The following NEDD4 variants were observed in gnomAD, a reference collection of about 807,000 sequenced individuals.
The protein encoded by NEDD4 is NEDD4 E3 ubiquitin protein ligase.
In NEDD4, 99 loss-of-function variants were observed where a neutral mutation model predicts 144.9. The observed-to-expected ratio is 0.68, with a 90% CI of 0.58 to 0.81. NEDD4 has a LOEUF of 0.81. Ranked by LOEUF, NEDD4 falls within the 30% of genes least tolerant of loss-of-function variation. NEDD4 has a pLI of 0.00. For synonymous variants in NEDD4, 318 were observed against 350.6 expected (o/e 0.91, Z 1.04); for missense variants, 985 against 1,065.9 (o/e 0.92, Z 1.06).
chr15:55,939,590 T>C (rs1428295165), intron 4 of NEDD4, among the ~76,000 whole-genome samples: 1 of 151,956 alleles, frequency 6.6e-6, no homozygotes, highest in African/African-American at 2.4e-5. Flanking sequence ...GGCCCACTCT[T>C]TATGTAAAAA....
intron 5 of NEDD4, among the ~76,000 whole-genome samples, chr15:55,889,699 GTT>G (rs1334740380): frequency 6.6e-6 from 1 of 151,340 alleles, no homozygotes; most frequent in Non-Finnish European, 1.5e-5. Context: ...GTTTTGTTTT[GTT>G]TTGTTTTGTT....
intron 5 of NEDD4, chr15:55,916,265 A>G (rs113176671): frequency 6.2e-6 from 10 of 1,614,054 alleles, no homozygotes; most frequent in Admixed American, 1.7e-5. Flanking sequence ...TATAACTACT[A>G]CTGTCACTGA....
At chr15:55,968,610 T>C (rs2037556345) in intron 1 of NEDD4, among the ~76,000 whole-genome samples, 1 of 152,174 alleles carries the variant, frequency 6.6e-6, no homozygotes, top group South Asian at 2.1e-4. Flanking sequence ...AGATACCATA[T>C]AGAATGGCTA....
intron 4 of NEDD4, among the ~76,000 whole-genome samples, chr15:55,948,239 T>C (rs867157839): frequency 6.6e-6 from 1 of 152,182 alleles, no homozygotes; most frequent in African/African-American, 2.4e-5. Context: ...GAATCCAACT[T>C]ACAAGGGATG....
chr15:55,886,649 T>G (rs1171280055), intron 5 of NEDD4, among the ~76,000 whole-genome samples: 1 of 151,538 alleles, frequency 6.6e-6, no homozygotes, highest in African/African-American at 2.4e-5. Context: ...TCCCAGCTAC[T>G]CGGGAGGCTG....
chr15:55,869,003 C>G (rs1037294727), intron 8 of NEDD4, among the ~76,000 whole-genome samples: 3 of 152,176 alleles, frequency 2.0e-5, no homozygotes, highest in Non-Finnish European at 2.9e-5. Flanking sequence ...CAAATACATA[C>G]TTTCTGCCTC....
At chr15:55,840,345 GATAAT>G in intron 21 of NEDD4, 97 bp downstream of exon 21, 1 of 987,680 alleles carries the variant, frequency 1.0e-6, no homozygotes. Context: ...TTTGAAACAT[GATAAT>G]ATATTAATTT....
At position 55,937,727 on chromosome 15, in the gene NEDD4, T is replaced by C. The variant is rs528863004; in HGVS notation, c.238-13028A>G. Among the ~76,000 whole-genome samples the C allele has an allele frequency of 1.8e-4, 28 of 152,300 alleles. 1 individual carries two copies. Among genetic ancestry groups the C allele is most frequent in the African/African-American group, 6.7e-4 (28 of 41,572 alleles). The stretch of plus-strand genomic sequence containing the variant: ...GTTCATGGATTGGAAGAACTTAATA[T>C]TGTTAAAATGTCCATACTATCCAAA... On this transcript the variant is annotated intron_variant, in intron 4 of 28. Coordinates refer to ENST00000435532, the MANE Select transcript of NEDD4 (RefSeq NM_006154.4).
intron 21 of NEDD4, among the ~76,000 whole-genome samples, 191 bp from the exon 22 acceptor site, chr15:55,838,795 G>A (rs2033332805): frequency 6.6e-6 from 1 of 152,106 alleles, no homozygotes; most frequent in South Asian, 2.1e-4. Context: ...ATGGATGACA[G>A]GTAAGGGCAA....
chr15:55,882,578 T>C (rs1208696677), intron 5 of NEDD4, among the ~76,000 whole-genome samples: 1 of 152,164 alleles, frequency 6.6e-6, no homozygotes, highest in Non-Finnish European at 1.5e-5. Flanking sequence ...CTAAATAAAC[T>C]TGAAAGGCAG....
intron 12 of NEDD4, among the ~76,000 whole-genome samples, chr15:55,855,534 A>G (rs1301024010): frequency 6.6e-6 from 1 of 152,212 alleles, no homozygotes; most frequent in Non-Finnish European, 1.5e-5. Context: ...GAAAACAGAG[A>G]CAAACTCAGT....
Position 55,953,366 on chromosome 15 carries a change from C to A in NEDD4, c.120-1777G>T, listed in dbSNP as rs1164161036. Among the ~76,000 whole-genome samples, 5 of 152,094 alleles carry A rather than the reference C, an allele frequency of 3.3e-5. No individual in the cohort carries two copies. The East Asian group carries it at 9.6e-4, about 29-fold the overall frequency. On this transcript the variant is annotated intron_variant, in intron 2 of 28. Transcript: ENST00000435532. Reference sequence around the variant, plus strand: ...CTTTCTTTATTTCATACAGATCACACAGCTAGAAAGCGGACAGCCAGGATT... The same window carrying A: ...CTTTCTTTATTTCATACAGATCACAAAGCTAGAAAGCGGACAGCCAGGATT...
chr15:55,938,244 A>T (rs1306348914), intron 4 of NEDD4, among the ~76,000 whole-genome samples: 1 of 152,188 alleles, frequency 6.6e-6, no homozygotes, highest in Non-Finnish European at 1.5e-5. Flanking sequence ...CTGTAGTCCC[A>T]GCTACTCAGG....
At chr15:55,970,925 C>A (rs2037597052) in intron 1 of NEDD4, among the ~76,000 whole-genome samples, 1 of 152,164 alleles carries the variant, frequency 6.6e-6, no homozygotes, top group South Asian at 2.1e-4. Context: ...ACAACATGAT[C>A]TCACCAAACA....
chr15:55,955,542 T>C (rs1429258858), intron 2 of NEDD4, among the ~76,000 whole-genome samples: 4 of 152,176 alleles, frequency 2.6e-5, no homozygotes, highest in Non-Finnish European at 4.4e-5. Flanking sequence ...CTATTTTAGA[T>C]ATATAAATGT....
intron 7 of NEDD4, among the ~76,000 whole-genome samples, chr15:55,871,432 TAAAG>T (rs1254116746): frequency 6.6e-6 from 1 of 152,186 alleles, no homozygotes; most frequent in Non-Finnish European, 1.5e-5. Context: ...TTTTTAAAGA[TAAAG>T]ACGCTAGAAA....
intron 4 of NEDD4, among the ~76,000 whole-genome samples, chr15:55,931,757 C>T (rs1356796978): frequency 6.6e-6 from 1 of 152,182 alleles, no homozygotes; most frequent in African/African-American, 2.4e-5. Context: ...AATAGCTTTA[C>T]TAGCTATAAT....
intron 4 of NEDD4, among the ~76,000 whole-genome samples, chr15:55,940,647 C>T (rs966151890): frequency 8.6e-5 from 13 of 151,870 alleles, no homozygotes; most frequent in African/African-American, 3.1e-4. Flanking sequence ...CCCATGTCAG[C>T]CTCCAAAGTA....
rs561311091 is a variant in NEDD4 at position 55,990,686 on chromosome 15, G to C, written c.45+2825C>G. On this transcript the variant is annotated intron_variant, in intron 1 of 28. Coordinates refer to ENST00000435532, the MANE Select transcript of NEDD4 (RefSeq NM_006154.4). ...TGGATCCAGTCCATTAATTTCAATG[G>C]AGTGTGGGAAACAGTGTTTAGTTTT... 1.5e-3 allele frequency among the ~76,000 whole-genome samples: 231 copies of C among 152,218 alleles called. 1 individual carries two copies. The highest frequency in any genetic ancestry group is 5.4e-3 in the African/African-American group (223 of 41,512).
Sources: gnomAD v4.1 joint callset for allele counts (sites outside exome capture counted in the v4.1 genomes callset) on GRCh38, gnomAD v4.1.1 for gene constraint, MANE v1.5 for transcripts, NCBI Gene and HGNC (gene_info 2026-07-23, HGNC 2026-07-21) for gene names.